ELL: variants seen among roughly 807,000 people sequenced by gnomAD.
ELL encodes RNA polymerase II elongation factor ELL.
A neutral mutation model predicts 64.0 loss-of-function variants in ELL; 18 were observed. That is an observed-to-expected ratio of 0.28 (90% CI 0.19 to 0.42). The LOEUF (loss-of-function observed/expected upper bound fraction) is 0.42, where lower values mean the gene tolerates loss of function less well. ELL is among the 10% of genes least tolerant of loss of function. ELL has a pLI of 1.00. For missense variants in ELL, 797 were observed against 870.4 expected (o/e 0.92, Z 1.06); for synonymous variants, 399 against 376.2 (o/e 1.06, Z -0.70).
In ELL at chr19:18,446,820, A is replaced by T; in HGVS notation, c.1466-6T>A. ...GCTGCAGGTTCCGTTTAAACCTACGAGAGCAAACACATACCTCCTGAGTCT... is the reference window on the plus strand; with the variant it reads ...GCTGCAGGTTCCGTTTAAACCTACGTGAGCAAACACATACCTCCTGAGTCT... On this transcript the variant is annotated splice_region_variant and splice_polypyrimidine_tract_variant and intron_variant, in intron 8 of 11. Coordinates refer to ENST00000262809, the MANE Select transcript of ELL (RefSeq NM_006532.4). The T allele has an allele frequency of 6.2e-7, 1 of 1,614,072 alleles. No homozygotes were observed.
At chr19:18,487,124 C>G (rs563988241) in intron 1 of ELL, among the ~76,000 whole-genome samples, 2 of 152,252 alleles carry the variant, frequency 1.3e-5, no homozygotes, top group East Asian at 3.9e-4. Context: ...CCGCTACCCC[C>G]CACCAGGAGA....
intron 1 of ELL, among the ~76,000 whole-genome samples, chr19:18,486,852 T>A (rs1975429162): frequency 6.6e-6 from 1 of 152,188 alleles, no homozygotes; most frequent in Admixed American, 6.5e-5. Flanking sequence ...CTTCCCAGTT[T>A]GAACCTGCAA....
intron 1 of ELL, among the ~76,000 whole-genome samples, chr19:18,491,036 G>T (rs776679204): frequency 6.6e-6 from 1 of 152,162 alleles, no homozygotes; most frequent in Non-Finnish European, 1.5e-5. Context: ...TCTAGATGTT[G>T]CCATGAAGGT....
At chr19:18,489,330 C>G (rs985082738) in intron 1 of ELL, among the ~76,000 whole-genome samples, 2 of 152,208 alleles carry the variant, frequency 1.3e-5, no homozygotes, top group Non-Finnish European at 2.9e-5. Context: ...GGTCAGACAA[C>G]CACTTGACCG....
intron 8 of ELL, chr19:18,448,451 A>C (rs1397384810): frequency 1.3e-5 from 2 of 151,308 alleles, no homozygotes; most frequent in Non-Finnish European, 2.9e-5. Context: ...TATCACCACC[A>C]CCCCCACCTG....
In ELL at chr19:18,462,362, T is replaced by G. The variant is rs1205370795; in HGVS notation, c.470-510A>C. 5.9e-5 allele frequency among the ~76,000 whole-genome samples: 3 copies of G among 50,590 alleles called. No homozygotes were observed. In the African/African-American group the frequency reaches 6.1e-4, roughly 10 times the overall value. The allele number at this position is 50,590 out of a possible 152,430, so 33.2% of individuals were successfully genotyped here. A position where few individuals can be genotyped will look rare whatever the true frequency, so the allele number is the denominator to read the frequency against. ...GTGTGTGTGTGTGTGTGTGTGTGTG[T>G]GTTTGGGCGGGGGGCGGGGGGGGAA... On this transcript the variant is annotated intron_variant, in intron 4 of 11. Transcript: ENST00000262809.
chr19:18,486,016 G>T (rs1975407569), intron 1 of ELL, among the ~76,000 whole-genome samples: 1 of 151,896 alleles, frequency 6.6e-6, no homozygotes, highest in South Asian at 2.1e-4. Context: ...AAGCTACGGG[G>T]ATGAAAACAG....
chr19:18,519,825 G>A (rs4998687), intron 1 of ELL, among the ~76,000 whole-genome samples: 67 of 77,482 alleles, frequency 8.6e-4, no homozygotes, highest in African/African-American at 2.3e-3. Context: ...AAAAAAAAAA[G>A]AAAGAAAGAA....
At chr19:18,446,891 T>C in intron 8 of ELL, 77 bp from the exon 9 acceptor site, 1 of 1,484,102 alleles carries the variant, frequency 6.7e-7, no homozygotes, top group Non-Finnish European at 9.4e-7. Flanking sequence ...GATGGGGACA[T>C]GCATGAAAAC....
chr19:18,472,753 G>A, intron 2 of ELL, 82 bp downstream of exon 2: 2 of 1,495,506 alleles, frequency 1.3e-6, no homozygotes, highest in Non-Finnish European at 1.8e-6. Context: ...ATGAGCTGCT[G>A]CTGTACCCAG....
chr19:18,518,603 C>T (rs114394864), intron 1 of ELL, among the ~76,000 whole-genome samples: 5,138 of 151,690 alleles, frequency 0.034, 151 homozygotes, highest in African/African-American at 0.083. Flanking sequence ...ACCATCCTGA[C>T]CACATGGTAA....
chr19:18,461,333 A>G (rs916274861), intron 5 of ELL, among the ~76,000 whole-genome samples: 4 of 152,212 alleles, frequency 2.6e-5, no homozygotes, highest in Non-Finnish European at 4.4e-5. Context: ...CCTGGGCTCC[A>G]TGCTGAGTCC....
intron 6 of ELL, among the ~76,000 whole-genome samples, chr19:18,456,141 C>T (rs942582605): frequency 6.6e-6 from 1 of 151,826 alleles, no homozygotes; most frequent in Non-Finnish European, 1.5e-5. Context: ...GGAGGACAGA[C>T]TCTAGCAGCC....
In ELL at chr19:18,501,086, G is replaced by A. The variant is rs542263435; in HGVS notation, c.135+20835C>T. On this transcript the variant is annotated intron_variant, in intron 1 of 11. Transcript: ENST00000262809. The surrounding 1 kb of genome is among the most constrained non-coding windows in gnomAD (Gnocchi z 4.5). ...GCCGTCCCATCCCAAGCATGTGGGC[G>A]CACACCCAGGAGAAGAACGAGCGGG... 1.4e-4 allele frequency among the ~76,000 whole-genome samples: 21 copies of A among 152,132 alleles called. No individual in the cohort carries two copies. The highest frequency in any genetic ancestry group is 4.6e-4 in the African/African-American group (19 of 41,478).
chr19:18,507,115 G>A (rs1041799377), intron 1 of ELL, among the ~76,000 whole-genome samples: 1 of 152,190 alleles, frequency 6.6e-6, no homozygotes, highest in Admixed American at 6.5e-5. Flanking sequence ...TCCAGTGTGA[G>A]CTGAGCACAT....
At chr19:18,473,668 C>T (rs7247540) in intron 1 of ELL, among the ~76,000 whole-genome samples, 44,506 of 152,176 alleles carry the variant, frequency 0.29, 7,849 homozygotes, top group African/African-American at 0.5. Context: ...GAAAGAACTG[C>T]GAGCCAGAGG....
intron 2 of ELL, among the ~76,000 whole-genome samples, chr19:18,468,243 CAA>C (rs1491512061): frequency 1.3e-5 from 2 of 151,436 alleles, no homozygotes; most frequent in Non-Finnish European, 2.9e-5. Flanking sequence ...CACACACACA[CAA>C]ACACAATCCA....
chr19:18,446,923 G>A, intron 8 of ELL, 109 bp from the exon 9 acceptor site: 2 of 1,175,448 alleles, frequency 1.7e-6, no homozygotes, highest in South Asian at 1.3e-5. Flanking sequence ...CTGCTGGAGG[G>A]ACATAGAGGG....
intron 1 of ELL, among the ~76,000 whole-genome samples, chr19:18,476,320 A>G (rs914687137): frequency 2.0e-5 from 3 of 152,232 alleles, no homozygotes; most frequent in Non-Finnish European, 4.4e-5. Flanking sequence ...TGAGCCAGGG[A>G]TGAGGGCTCA....
Sources: gnomAD v4.1 joint callset for allele counts (sites outside exome capture counted in the v4.1 genomes callset) on GRCh38, gnomAD v4.1.1 for gene constraint, Gnocchi (gnomAD v3.1) non-coding constraint, MANE v1.5 for transcripts, NCBI Gene and HGNC (gene_info 2026-07-23, HGNC 2026-07-21) for gene names.